Variants in PRKCH observed in about 807,000 individuals in gnomAD.
The protein encoded by PRKCH is protein kinase C eta.
PRKCH carries 28 observed loss-of-function variants against 82.5 expected under a neutral mutation model. The observed-to-expected ratio is 0.34, with a 90% CI of 0.25 to 0.47. The LOEUF (loss-of-function observed/expected upper bound fraction) is 0.47. Among genes scored for constraint, PRKCH ranks in the 20% least tolerant of loss-of-function variants. The probability of loss-of-function intolerance (pLI) is 1.00; values close to 1 mark genes in which losing one functional copy is unlikely to be tolerated. For synonymous variants in PRKCH, 322 were observed against 327.4 expected (o/e 0.98, Z 0.18); for missense variants, 705 against 881.8 (o/e 0.80, Z 2.54).
At chr14:61,199,324 T>C (rs1034574718) in intron 1 of PRKCH, among the ~76,000 whole-genome samples, 27 of 152,176 alleles carry the variant, frequency 1.8e-4, no homozygotes, top group African/African-American at 6.5e-4. Context: ...TTGGACTCAA[T>C]ACAAATAAAA....
chr14:61,290,783 T>C (rs1412541981), intron 1 of PRKCH, among the ~76,000 whole-genome samples: 2 of 152,108 alleles, frequency 1.3e-5, no homozygotes, highest in African/African-American at 4.8e-5. Context: ...AGATTAAGTA[T>C]CCTTCAGTTA....
chr14:61,394,663 C>T (rs947803098), intron 2 of PRKCH, among the ~76,000 whole-genome samples: 1 of 152,152 alleles, frequency 6.6e-6, no homozygotes, highest in East Asian at 1.9e-4. Flanking sequence ...ACTAAATGCT[C>T]ACCAAATACA....
At chr14:61,248,417 A>G (rs1272792953) in intron 1 of PRKCH, among the ~76,000 whole-genome samples, 1 of 152,244 alleles carries the variant, frequency 6.6e-6, no homozygotes, top group Non-Finnish European at 1.5e-5. Context: ...CCAGAGCAGC[A>G]TAAACAAAGC....
intron 9 of PRKCH, among the ~76,000 whole-genome samples, chr14:61,474,567 G>A (rs1432514386): frequency 1.3e-5 from 2 of 152,184 alleles, no homozygotes; most frequent in East Asian, 1.9e-4. Flanking sequence ...GGGATGGGGG[G>A]CTGGGGGAGG....
At chr14:61,390,860 A>G (rs775436438) in intron 1 of PRKCH, 1 of 188,684 alleles carries the variant, frequency 5.3e-6, no homozygotes, top group Admixed American at 6.3e-5. Flanking sequence ...TTATTTCTCT[A>G]TTTCATATTC....
At chr14:61,253,739 G>A (rs1041847079) in intron 1 of PRKCH, among the ~76,000 whole-genome samples, 4 of 152,102 alleles carry the variant, frequency 2.6e-5, no homozygotes, top group Admixed American at 6.5e-5. Context: ...GCAACGGTGC[G>A]CAAGTTTTCC....
At chr14:61,479,589 G>A (rs775767641) in intron 9 of PRKCH, among the ~76,000 whole-genome samples, 6 of 152,124 alleles carry the variant, frequency 3.9e-5, no homozygotes, top group Admixed American at 2.0e-4. Context: ...TCATCCACCC[G>A]GATGTTATGT....
chr14:61,272,344 C>CTTTTTT (rs1162331604), intron 1 of PRKCH, among the ~76,000 whole-genome samples: 17 of 23,618 alleles, frequency 7.2e-4, no homozygotes, highest in Non-Finnish European at 1.0e-3. Context: ...TTTTTTCTTT[C>CTTTTTT]TTTTTTTTTT....
At chr14:61,403,754 C>T (rs1035571551) in intron 2 of PRKCH, among the ~76,000 whole-genome samples, 3 of 152,126 alleles carry the variant, frequency 2.0e-5, no homozygotes, top group East Asian at 1.9e-4. Context: ...CTATGGCACT[C>T]GCTTACTGAC....
At chr14:61,475,353 C>CT (rs1885683581) in intron 9 of PRKCH, among the ~76,000 whole-genome samples, 1 of 152,154 alleles carries the variant, frequency 6.6e-6, no homozygotes, top group African/African-American at 2.4e-5. Context: ...CTTTGTGACT[C>CT]TTAAGTTTTA....
At chr14:61,459,858 A>G (rs1051473640) in intron 9 of PRKCH, among the ~76,000 whole-genome samples, 1 of 152,048 alleles carries the variant, frequency 6.6e-6, no homozygotes, top group Admixed American at 6.6e-5. Flanking sequence ...TAATTAATCT[A>G]TTTTTTGAGA....
chr14:61,330,887 C>G (rs1460436094), intron 1 of PRKCH, among the ~76,000 whole-genome samples: 2 of 152,010 alleles, frequency 1.3e-5, no homozygotes, highest in African/African-American at 4.8e-5. Flanking sequence ...TTCCCTGGGC[C>G]ACGTTGGAAG....
intron 1 of PRKCH, among the ~76,000 whole-genome samples, chr14:61,384,841 C>T (rs1313568681): frequency 1.3e-5 from 2 of 151,888 alleles, no homozygotes; most frequent in African/African-American, 4.8e-5. Flanking sequence ...ACATAGAGAA[C>T]CCTAAAGGCT....
At chr14:61,252,138 G>A (rs759965720) in intron 1 of PRKCH, among the ~76,000 whole-genome samples, 8 of 152,074 alleles carry the variant, frequency 5.3e-5, no homozygotes, top group African/African-American at 1.7e-4. Flanking sequence ...GTGCCCAGCC[G>A]AGGGTCTTAT....
intron 12 of PRKCH, 35 bp from the exon 13 acceptor site, chr14:61,547,704 GTGAA>G (rs1398085359): frequency 1.3e-5 from 21 of 1,598,144 alleles, no homozygotes; most frequent in Non-Finnish European, 1.8e-5. Flanking sequence ...CTGGTTGTAT[GTGAA>G]TGAATGATTG....
At chr14:61,240,387 G>A (rs1033766985) in intron 1 of PRKCH, among the ~76,000 whole-genome samples, 3 of 151,984 alleles carry the variant, frequency 2.0e-5, no homozygotes, top group Admixed American at 6.5e-5. Context: ...TGTAGCCCTC[G>A]AAAAAACCCT....
At chr14:61,192,016 CA>C (rs2044409652) in intron 1 of PRKCH, among the ~76,000 whole-genome samples, 1 of 106,548 alleles carries the variant, frequency 9.4e-6, no homozygotes, top group Non-Finnish European at 2.1e-5. Context: ...TTTCCTAAAA[CA>C]TTGTGTGTGT....
intron 1 of PRKCH, among the ~76,000 whole-genome samples, chr14:61,217,945 A>G (rs1478723468): frequency 6.6e-6 from 1 of 152,208 alleles, no homozygotes; most frequent in Non-Finnish European, 1.5e-5. Context: ...TCTTGGAACC[A>G]TATGAAGATT....
intron 1 of PRKCH, among the ~76,000 whole-genome samples, chr14:61,331,551 A>G (rs1461596955): frequency 6.6e-6 from 1 of 151,914 alleles, no homozygotes; most frequent in African/African-American, 2.4e-5. Context: ...CAACAAAAAA[A>G]CCCCTCTTTT....
Sources: gnomAD v4.1 joint callset for allele counts (sites outside exome capture counted in the v4.1 genomes callset) on GRCh38, gnomAD v4.1.1 for gene constraint, MANE v1.5 for transcripts, NCBI Gene and HGNC (gene_info 2026-07-23, HGNC 2026-07-21) for gene names.